Variants in PARD6B observed in about 807,000 individuals in gnomAD.
PARD6B encodes the protein partitioning defective 6 homolog beta.
Under a neutral mutation model 10.5 loss-of-function variants are expected in PARD6B, and 4 were observed. The observed-to-expected ratio is 0.38, with a 90% confidence interval of 0.19 to 0.87. The LOEUF is 0.87. Among genes scored for constraint, PARD6B ranks in the 40% least tolerant of loss-of-function variants. The probability of loss-of-function intolerance (pLI) is 0.41; values close to 1 mark genes in which losing one functional copy is unlikely to be tolerated. For missense variants in PARD6B, 396 were observed against 470.6 expected, an observed-to-expected ratio of 0.84 and a Z score of 1.47; for synonymous variants, 169 against 170.4, an observed-to-expected ratio of 0.99 and a Z score of 0.07.
At position 50,750,682 on chromosome 20, in the gene PARD6B, A is replaced by T; in HGVS notation, c.*194A>T. Reference sequence around the variant, plus strand: ...CTTTGGTGGATCAGAGGTGAATTTAAGTCCAAAACAAAGGGGCCTTTGCTG... The same window carrying T: ...CTTTGGTGGATCAGAGGTGAATTTATGTCCAAAACAAAGGGGCCTTTGCTG... On this transcript the variant is annotated 3_prime_UTR_variant, in exon 3 of 3. Transcript: ENST00000371610. The T allele has an allele frequency of 7.3e-7, 1 of 1,363,016 alleles. No homozygotes were observed. Among genetic ancestry groups the T allele is most frequent in the East Asian group, 2.8e-5 (1 of 36,306 alleles). 84.4% of individuals were successfully genotyped at this position (1,363,016 alleles called of 1,614,324 possible).
Position 50,750,098 on chromosome 20 carries a change from C to A in PARD6B, c.729C>A (p.Ile243=). 6.2e-7 allele frequency: 1 copy of A among 1,614,226 alleles called. No homozygotes were observed. The highest frequency in any genetic ancestry group is 1.6e-4 in the Middle Eastern group (1 of 6,062). The change falls in exon 3 of 3, where the codon ATC becomes ATA. Residue 243 remains isoleucine, a synonymous_variant. Coordinates refer to ENST00000371610, the MANE Select transcript of PARD6B (RefSeq NM_032521.3). Reference sequence around the variant, plus strand: ...TGATTGCAAATAGCCGTAACCTCATCATAACAGTGAGACCGGCAAACCAGA... The same window carrying A: ...TGATTGCAAATAGCCGTAACCTCATAATAACAGTGAGACCGGCAAACCAGA... ...DMMIANSRNL[I]ITVRPANQRN... is the part of the protein sequence containing the mutation.
At chr20:50,732,937 G>T (rs1421448121) in intron 1 of PARD6B, among the ~76,000 whole-genome samples, 1 of 151,950 alleles carries the variant, frequency 6.6e-6, no homozygotes, top group Non-Finnish European at 1.5e-5. Context: ...CATCATAGAT[G>T]GTAAGACTAC....
In PARD6B at chr20:50,751,422, C is replaced by G; in HGVS notation, c.*934C>G. Reference sequence around the variant, plus strand: ...CCAGGCTGGAGTGCAGTGGCGCGATCTTGGCTCACTGCAAGCTCTACCTCC... The same window carrying G: ...CCAGGCTGGAGTGCAGTGGCGCGATGTTGGCTCACTGCAAGCTCTACCTCC... On this transcript the variant is annotated 3_prime_UTR_variant, in exon 3 of 3. Coordinates refer to ENST00000371610, the MANE Select transcript of PARD6B (RefSeq NM_032521.3). 1 of 775,194 alleles carries G rather than the reference C, an allele frequency of 1.3e-6. No homozygotes were observed. Among genetic ancestry groups the G allele is most frequent in the Non-Finnish European group, 1.5e-6 (1 of 662,884 alleles). 48.0% of individuals were successfully genotyped at this position (775,194 alleles called of 1,614,324 possible).
intron 2 of PARD6B, among the ~76,000 whole-genome samples, chr20:50,743,311 A>C (rs1319314304): frequency 6.6e-6 from 1 of 152,174 alleles, no homozygotes; most frequent in Non-Finnish European, 1.5e-5. Flanking sequence ...TTTTTGATTG[A>C]CACCAGACAC....
chr20:50,747,059 C>T (rs1204747978), intron 2 of PARD6B, among the ~76,000 whole-genome samples: 6 of 151,776 alleles, frequency 4.0e-5, no homozygotes, highest in African/African-American at 1.5e-4. Context: ...AAAAAAATGC[C>T]AAAAAAATAA....
intron 2 of PARD6B, among the ~76,000 whole-genome samples, chr20:50,749,372 A>G (rs942615572): frequency 1.3e-5 from 2 of 152,108 alleles, no homozygotes; most frequent in African/African-American, 2.4e-5. Context: ...AAGATCTATC[A>G]TAGTTTCATT....
At chr20:50,739,475 T>G (rs990445677) in intron 2 of PARD6B, among the ~76,000 whole-genome samples, 5 of 151,894 alleles carry the variant, frequency 3.3e-5, no homozygotes. Context: ...CTTGAGAGAA[T>G]GGGTGGGGAT....
Position 50,752,006 on chromosome 20 carries a change from T to G in PARD6B, c.*1518T>G, listed in dbSNP as rs1323080231. The G allele has an allele frequency of 1.0e-6, 1 of 985,274 alleles. No homozygotes were observed. Among genetic ancestry groups the G allele is most frequent in the Non-Finnish European group, 1.2e-6 (1 of 829,922 alleles). 61.0% of individuals were successfully genotyped at this position (985,274 alleles called of 1,614,324 possible). On this transcript the variant is annotated 3_prime_UTR_variant, in exon 3 of 3. Coordinates refer to ENST00000371610, the MANE Select transcript of PARD6B (RefSeq NM_032521.3). ...TGAGCGCCTAGCCAGGAAGCTATCT[T>G]TTCTTGAGTTATGAAACTTTGCAAC...
chr20:50,751,688 T>G lies in PARD6B; in HGVS notation c.*1200T>G, dbSNP rs962827858. On this transcript the variant is annotated 3_prime_UTR_variant, in exon 3 of 3. Coordinates refer to ENST00000371610, the MANE Select transcript of PARD6B (RefSeq NM_032521.3). ...AAGAATCAAACCACTTGGCTGTTTT[T>G]AGGAGTTACTTCCCATGTTATAAAG... is the stretch of plus-strand genomic sequence containing the variant. 22 of 983,996 alleles carry G rather than the reference T, an allele frequency of 2.2e-5. No individual in the cohort carries two copies. Among genetic ancestry groups the G allele is most frequent in the Admixed American group, 1.2e-4 (2 of 16,064 alleles). 61.0% of individuals were successfully genotyped at this position (983,996 alleles called of 1,614,324 possible). A position where few individuals can be genotyped will look rare whatever the true frequency, so the allele number is the denominator to read the frequency against.
At chr20:50,743,863 T>C (rs1210083023) in intron 2 of PARD6B, among the ~76,000 whole-genome samples, 2 of 138,034 alleles carry the variant, frequency 1.4e-5, no homozygotes, top group Non-Finnish European at 3.1e-5. Flanking sequence ...CACTCCAGCC[T>C]GGGCGACAGA....
At chr20:50,737,052 A>G (rs2087503291) in intron 1 of PARD6B, among the ~76,000 whole-genome samples, 1 of 152,186 alleles carries the variant, frequency 6.6e-6, no homozygotes, top group Non-Finnish European at 1.5e-5. Context: ...TTGGGAAAAC[A>G]GAGGTGTAGG....
rs1326333229 is a variant in PARD6B at position 50,750,159 on chromosome 20, A to T, written c.790A>T (p.Ser264Cys). The T allele has an allele frequency of 9.3e-6, 15 of 1,614,260 alleles. No individual in the cohort carries two copies. Among genetic ancestry groups the T allele is most frequent in the Non-Finnish European group, 1.3e-5 (15 of 1,180,050 alleles). Residue 264 changes from serine (S) to cysteine (C), a missense_variant, in exon 3 of 3, where the codon AGT (serine) becomes TGT (cysteine). Around this residue, in one of 2 missense-constraint regions of PARD6B, gnomAD observed 188 missense variants for 169.7 expected, o/e 1.11. Transcript: ENST00000371610. ...NVVRNSRTSG[S>C]SGQSTDNSLL... ...TGTGAGGAACAGTCGGACTTCTGGCAGTTCCGGTCAGTCTACTGATAACAG... is the reference window on the plus strand; with the variant it reads ...TGTGAGGAACAGTCGGACTTCTGGCTGTTCCGGTCAGTCTACTGATAACAG...
chr20:50,753,610 A>G lies in PARD6B; in HGVS notation c.*3122A>G, dbSNP rs1404136175. 1 of 811,152 alleles carries G rather than the reference A, an allele frequency of 1.2e-6. No individual in the cohort carries two copies. The highest frequency in any genetic ancestry group is 1.5e-6 in the Non-Finnish European group (1 of 670,810). The allele number at this position is 811,152 out of a possible 1,614,324, so 50.2% of individuals were successfully genotyped here. A position where few individuals can be genotyped will look rare whatever the true frequency, so the allele number is the denominator to read the frequency against. On this transcript the variant is annotated 3_prime_UTR_variant, in exon 3 of 3. Transcript: ENST00000371610. ...GAATGATACTTTGTTTATAACTATCAAATGTCAGTATTTTACTACAATTTT... is the reference window on the plus strand; with the variant it reads ...GAATGATACTTTGTTTATAACTATCGAATGTCAGTATTTTACTACAATTTT...
chr20:50,751,656 G>A lies in PARD6B; in HGVS notation c.*1168G>A. The A allele has an allele frequency of 2.0e-6, 2 of 983,984 alleles. No homozygotes were observed. Among genetic ancestry groups the A allele is most frequent in the Non-Finnish European group, 2.4e-6 (2 of 829,742 alleles). The allele number at this position is 983,984 out of a possible 1,614,324, so 61.0% of individuals were successfully genotyped here. On this transcript the variant is annotated 3_prime_UTR_variant, in exon 3 of 3. Coordinates refer to ENST00000371610, the MANE Select transcript of PARD6B (RefSeq NM_032521.3). Reference sequence around the variant, plus strand: ...CCACCGCGCCCAGTTGTGCATTTCTGGTTTCTAAGAATCAAACCACTTGGC... The same window carrying A: ...CCACCGCGCCCAGTTGTGCATTTCTAGTTTCTAAGAATCAAACCACTTGGC...
intron 2 of PARD6B, among the ~76,000 whole-genome samples, chr20:50,740,950 T>A (rs905838625): frequency 3.3e-5 from 5 of 151,226 alleles, no homozygotes; most frequent in African/African-American, 1.2e-4. Context: ...TCAGACTTGA[T>A]GAGCTTGTTT....
At position 50,752,134 on chromosome 20, in the gene PARD6B, T is replaced by C; in HGVS notation, c.*1646T>C. 1 of 985,586 alleles carries C rather than the reference T, an allele frequency of 1.0e-6. No individual in the cohort carries two copies. The highest frequency in any genetic ancestry group is 4.7e-5 in the South Asian group (1 of 21,280). 61.1% of individuals were successfully genotyped at this position (985,586 alleles called of 1,614,324 possible). On this transcript the variant is annotated 3_prime_UTR_variant, in exon 3 of 3. Transcript: ENST00000371610. ...TTTTAAAAGGCAATTCTCTTGACTT[T>C]GGAAATATGGAAGTCTCTCCTTTAA...
At position 50,752,606 on chromosome 20, in the gene PARD6B, A is replaced by G. The variant is rs2087619985; in HGVS notation, c.*2118A>G. ...ATACTATGAAGTACATAAGTTCCCTATGGCTTATGGAGAGTTATTTATTAA... is the reference window on the plus strand; with the variant it reads ...ATACTATGAAGTACATAAGTTCCCTGTGGCTTATGGAGAGTTATTTATTAA... On this transcript the variant is annotated 3_prime_UTR_variant, in exon 3 of 3. Coordinates refer to ENST00000371610, the MANE Select transcript of PARD6B (RefSeq NM_032521.3). The G allele has an allele frequency of 2.0e-6, 2 of 981,698 alleles. No individual in the cohort carries two copies. The highest frequency in any genetic ancestry group is 4.7e-5 in the South Asian group (1 of 21,206). 60.8% of individuals were successfully genotyped at this position (981,698 alleles called of 1,614,324 possible).
chr20:50,731,764 C>T lies in PARD6B; in HGVS notation c.-23C>T, dbSNP rs1266337107. On this transcript the variant is annotated 5_prime_UTR_variant, in exon 1 of 3. Coordinates refer to ENST00000371610, the MANE Select transcript of PARD6B (RefSeq NM_032521.3). Reference sequence around the variant, plus strand: ...GAGGGGCCGCCCGGCCGGAGGAGGCCGTCGCGGGGCTCGGCGTTCAGCATG... The same window carrying T: ...GAGGGGCCGCCCGGCCGGAGGAGGCTGTCGCGGGGCTCGGCGTTCAGCATG... The T allele has an allele frequency of 2.4e-5, 35 of 1,443,616 alleles. No individual in the cohort carries two copies. The highest frequency in any genetic ancestry group is 3.2e-5 in the Non-Finnish European group (35 of 1,103,924). 89.4% of individuals were successfully genotyped at this position (1,443,616 alleles called of 1,614,324 possible).
chr20:50,731,640 G>A lies in PARD6B; in HGVS notation c.-147G>A. 3.6e-6 allele frequency: 2 copies of A among 550,572 alleles called. No individual in the cohort carries two copies. The highest frequency in any genetic ancestry group is 2.9e-6 in the Non-Finnish European group (1 of 339,696). The allele number at this position is 550,572 out of a possible 1,614,324, so 34.1% of individuals were successfully genotyped here. On this transcript the variant is annotated 5_prime_UTR_variant, in exon 1 of 3. Coordinates refer to ENST00000371610, the MANE Select transcript of PARD6B (RefSeq NM_032521.3). ...TGGAGTGGAGCTCAGCGCGGACGCC[G>A]GAGCTGCGGCCGCCCCCTCTGCAGG...
Sources: allele counts gnomAD v4.1 joint callset (sites outside exome capture counted in the v4.1 genomes callset), GRCh38; gene constraint gnomAD v4.1.1; regional missense constraint gnomAD v4.1.1; transcripts MANE v1.5; gene names NCBI Gene and HGNC (gene_info 2026-07-23, HGNC 2026-07-21).